The following CACNG2 variants were observed in gnomAD, a reference collection of about 807,000 sequenced individuals.
The protein encoded by CACNG2 is voltage-dependent calcium channel gamma-2 subunit.
In CACNG2, 3 loss-of-function variants were observed where a neutral mutation model predicts 25.9. The ratio of observed to expected loss-of-function variants is 0.12; its 90% CI spans 0.05 to 0.30. The LOEUF is 0.30. Among genes scored for constraint, CACNG2 ranks in the 10% least tolerant of loss-of-function variants. The probability of loss-of-function intolerance (pLI) is 1.00; values close to 1 mark genes in which losing one functional copy is unlikely to be tolerated. For missense variants in CACNG2, 341 were observed against 432.5 expected (o/e 0.79, Z 1.88); for synonymous variants, 167 against 173.3 (o/e 0.96, Z 0.29).
At chr22:36,569,295 G>C (rs1935185542) in intron 2 of CACNG2, among the ~76,000 whole-genome samples, 1 of 152,136 alleles carries the variant, frequency 6.6e-6, no homozygotes, top group Admixed American at 6.5e-5. Context: ...GGTTCAGAGA[G>C]AGAAACTCCC....
At chr22:36,640,175 T>C (rs1014433285) in intron 1 of CACNG2, among the ~76,000 whole-genome samples, 3 of 152,158 alleles carry the variant, frequency 2.0e-5, no homozygotes, top group Non-Finnish European at 4.4e-5. Flanking sequence ...AGTTTTCTCA[T>C]GTGTAGAATG....
intron 1 of CACNG2, among the ~76,000 whole-genome samples, chr22:36,603,328 G>C (rs925819435): frequency 1.3e-5 from 2 of 152,238 alleles, no homozygotes; most frequent in African/African-American, 2.4e-5. Context: ...GTTGGTTCAT[G>C]AGGTTTAAGA....
chr22:36,658,211 T>C (rs937128593), intron 1 of CACNG2, among the ~76,000 whole-genome samples: 8 of 152,212 alleles, frequency 5.3e-5, no homozygotes, highest in African/African-American at 1.9e-4. Context: ...CCCATGAACT[T>C]GAGTGGGGGC....
chr22:36,612,669 G>A (rs1007316634), intron 1 of CACNG2, among the ~76,000 whole-genome samples: 1 of 152,124 alleles, frequency 6.6e-6, no homozygotes, highest in Non-Finnish European at 1.5e-5. Flanking sequence ...GCTCCACCAC[G>A]AGCACACAAC....
chr22:36,640,493 C>G (rs1477838516), intron 1 of CACNG2, among the ~76,000 whole-genome samples: 2 of 152,204 alleles, frequency 1.3e-5, no homozygotes, highest in African/African-American at 4.8e-5. Context: ...CAGGCCTCTG[C>G]AGCTGGACAG....
At chr22:36,665,176 G>A (rs1266052967) in intron 1 of CACNG2, among the ~76,000 whole-genome samples, 2 of 152,222 alleles carry the variant, frequency 1.3e-5, no homozygotes, top group Non-Finnish European at 2.9e-5. Flanking sequence ...CCCAGTGTCT[G>A]CCTTTCACAT....
intron 2 of CACNG2, among the ~76,000 whole-genome samples, chr22:36,577,565 G>A (rs573137616): frequency 2.0e-5 from 3 of 151,446 alleles, no homozygotes; most frequent in East Asian, 3.9e-4. Flanking sequence ...CAGGAGACTC[G>A]CTTGAACCGG....
chr22:36,564,159 T>A lies in CACNG2; in HGVS notation c.*192A>T, dbSNP rs541048405. 249 of 492,750 alleles carry A rather than the reference T, an allele frequency of 5.1e-4. 1 individual carries two copies. The highest frequency in any genetic ancestry group is 6.2e-4 in the South Asian group (15 of 24,316). The allele number at this position is 492,750 out of a possible 1,614,324, so 30.5% of individuals were successfully genotyped here. ...TCCTCTTATATTTTGTTCTTTTTTT[T>A]AAAATTTACTTGTTATGTTTTTTCT... On this transcript the variant is annotated 3_prime_UTR_variant, in exon 4 of 4. Transcript: ENST00000300105. This position sits in a 1 kb window ranked among gnomAD's most constrained non-coding sequence, Gnocchi z 6.7.
At chr22:36,683,752 G>T (rs1409588497) in intron 1 of CACNG2, among the ~76,000 whole-genome samples, 6 of 152,130 alleles carry the variant, frequency 3.9e-5, no homozygotes, top group African/African-American at 1.4e-4. Flanking sequence ...ATGGTGTCTT[G>T]GGAGGGGGCA....
chr22:36,640,975 C>T (rs1178554109), intron 1 of CACNG2, among the ~76,000 whole-genome samples: 3 of 152,180 alleles, frequency 2.0e-5, no homozygotes, highest in Non-Finnish European at 4.4e-5. Flanking sequence ...CTCGCAGGAC[C>T]TACGCATTTG....
At chr22:36,680,505 T>A (rs1937097562) in intron 1 of CACNG2, among the ~76,000 whole-genome samples, 1 of 143,736 alleles carries the variant, frequency 7.0e-6, no homozygotes, top group African/African-American at 2.6e-5. Flanking sequence ...CCACCATCAA[T>A]CATCACCACC....
chr22:36,665,351 G>GGATT (rs879158472), intron 1 of CACNG2, among the ~76,000 whole-genome samples: 136 of 152,250 alleles, frequency 8.9e-4, no homozygotes, highest in African/African-American at 3.1e-3. Context: ...CTCCAAGTGC[G>GGATT]GATTGAAGTA....
At chr22:36,643,778 T>C (rs188585169) in intron 1 of CACNG2, among the ~76,000 whole-genome samples, 5 of 152,322 alleles carry the variant, frequency 3.3e-5, no homozygotes, top group African/African-American at 7.2e-5. Flanking sequence ...ACAGTCCCTA[T>C]TTCTTCTCAT....
intron 1 of CACNG2, among the ~76,000 whole-genome samples, chr22:36,645,163 G>A (rs1047497753): frequency 1.3e-5 from 2 of 152,196 alleles, no homozygotes; most frequent in Admixed American, 1.3e-4. Flanking sequence ...GTTGGGGGTT[G>A]TTCAAAGCAT....
intron 1 of CACNG2, among the ~76,000 whole-genome samples, chr22:36,589,002 TC>T (rs57782698): frequency 0.08 from 11,317 of 140,970 alleles, 1,249 homozygotes; most frequent in African/African-American, 0.28. Flanking sequence ...TTTTTTTTTT[TC>T]CCCCTGAAAT....
chr22:36,653,475 C>A (rs1037585660), intron 1 of CACNG2, among the ~76,000 whole-genome samples: 4 of 152,196 alleles, frequency 2.6e-5, no homozygotes, highest in Non-Finnish European at 4.4e-5. Context: ...TGGAGCTGAC[C>A]GGGGGCTGCC....
Position 36,685,362 on chromosome 22 carries a change from C to T in CACNG2, c.211+17004G>A, listed in dbSNP as rs552677204. On this transcript the variant is annotated intron_variant, in intron 1 of 3. Transcript: ENST00000300105. ...CTGCCCGCCTTCTCACGCTCTTTCC[C>T]CACCCTGTGCCACCTCGCTATGCTG... Among the ~76,000 whole-genome samples the T allele has an allele frequency of 5.9e-5, 9 of 152,302 alleles. No individual in the cohort carries two copies. The East Asian group carries it at 1.6e-3, about 26-fold the overall frequency.
Position 36,564,177 on chromosome 22 carries a change from T to A in CACNG2, c.*174A>T. 1 of 462,638 alleles carries A rather than the reference T, an allele frequency of 2.2e-6. No individual in the cohort carries two copies. Among genetic ancestry groups the A allele is most frequent in the South Asian group, 3.9e-5 (1 of 25,464 alleles). 28.7% of individuals were successfully genotyped at this position (462,638 alleles called of 1,614,324 possible). On this transcript the variant is annotated 3_prime_UTR_variant, in exon 4 of 4. Transcript: ENST00000300105. The surrounding 1 kb of genome is among the most constrained non-coding windows in gnomAD (Gnocchi z 6.7). ...TTTTTTTTAAAATTTACTTGTTATG[T>A]TTTTTCTCTTTTTTTGTGTGTGTGT...
chr22:36,569,355 T>C (rs1906583120), intron 2 of CACNG2, among the ~76,000 whole-genome samples: 1 of 152,116 alleles, frequency 6.6e-6, no homozygotes, highest in Non-Finnish European at 1.5e-5. Context: ...AGCTCAACTT[T>C]TGGAGCACCC....
Sources: gnomAD v4.1 joint callset for allele counts (sites outside exome capture counted in the v4.1 genomes callset) on GRCh38, gnomAD v4.1.1 for gene constraint, Gnocchi (gnomAD v3.1) non-coding constraint, MANE v1.5 for transcripts, NCBI Gene and HGNC (gene_info 2026-07-23, HGNC 2026-07-21) for gene names.